GRID1: variants seen among roughly 807,000 people sequenced by gnomAD.
The protein encoded by GRID1 is glutamate receptor ionotropic, delta-1.
GRID1 carries 28 observed loss-of-function variants against 98.0 expected under a neutral mutation model. That is an observed-to-expected ratio of 0.29 (90% confidence interval 0.21 to 0.39). The LOEUF is 0.39. Among genes scored for constraint, GRID1 ranks in the 10% least tolerant of loss-of-function variants. GRID1 has a pLI of 1.00. For synonymous variants in GRID1, 553 were observed against 538.5 expected, an observed-to-expected ratio of 1.03 and a Z score of -0.37; for missense variants, 1,111 against 1,340.5, an observed-to-expected ratio of 0.83 and a Z score of 2.67.
intron 8 of GRID1, among the ~76,000 whole-genome samples, chr10:85,745,473 C>T (rs935301415): frequency 4.9e-4 from 62 of 127,628 alleles, no homozygotes; most frequent in South Asian, 8.6e-4. Flanking sequence ...ATCGCAAGAA[C>T]GAAAAACCAA....
chr10:85,832,639 A>G (rs1178679963), intron 8 of GRID1, among the ~76,000 whole-genome samples: 3 of 152,172 alleles, frequency 2.0e-5, no homozygotes, highest in Admixed American at 6.5e-5. Context: ...GAGAATTCTG[A>G]AAGATGGGAA....
intron 8 of GRID1, among the ~76,000 whole-genome samples, chr10:85,852,050 C>G (rs977452412): frequency 9.9e-5 from 15 of 152,070 alleles, no homozygotes; most frequent in African/African-American, 3.6e-4. Flanking sequence ...CTCCTTGGTT[C>G]ATCTGAAACT....
intron 2 of GRID1, among the ~76,000 whole-genome samples, chr10:86,276,702 C>G (rs1847275475): frequency 1.3e-5 from 2 of 152,044 alleles, no homozygotes; most frequent in Admixed American, 1.3e-4. Flanking sequence ...ATTGGCCAAT[C>G]TGGTCTCAAA....
chr10:85,679,622 A>G (rs1218814333), intron 12 of GRID1, among the ~76,000 whole-genome samples: 2 of 152,212 alleles, frequency 1.3e-5, no homozygotes, highest in Non-Finnish European at 2.9e-5. Context: ...TGCAGAATAT[A>G]GGATATGGAG....
At chr10:85,896,465 AC>A in intron 5 of GRID1, among the ~76,000 whole-genome samples, 1 of 152,282 alleles carries the variant, frequency 6.6e-6, no homozygotes, top group Non-Finnish European at 1.5e-5. Context: ...GATACCTCAG[AC>A]CTTTTCTGAA....
chr10:85,950,786 G>A (rs1377947377), intron 4 of GRID1, among the ~76,000 whole-genome samples: 1 of 152,176 alleles, frequency 6.6e-6, no homozygotes, highest in Admixed American at 6.5e-5. Context: ...AAAGGCTACA[G>A]TCCTGGTACA....
intron 12 of GRID1, among the ~76,000 whole-genome samples, chr10:85,693,336 T>C (rs182830699): frequency 2.6e-5 from 4 of 152,254 alleles, no homozygotes; most frequent in African/African-American, 9.6e-5. Flanking sequence ...AGGTAGAACA[T>C]AGAGACTTTT....
chr10:85,927,510 TAA>T (rs60653864), intron 4 of GRID1, among the ~76,000 whole-genome samples: 7 of 146,380 alleles, frequency 4.8e-5, no homozygotes, highest in African/African-American at 1.8e-4. Flanking sequence ...AAGTTTCTTG[TAA>T]AAAAAAAAAA....
intron 4 of GRID1, among the ~76,000 whole-genome samples, chr10:86,080,409 A>AAGGGGAGGGG (rs1182469301): frequency 1.8e-4 from 5 of 28,538 alleles, no homozygotes; most frequent in Admixed American, 4.4e-4. Context: ...AAGGGAAGGG[A>AAGGGGAGGGG]AGGGGAGGGG....
At chr10:85,839,079 C>T (rs758148287) in intron 8 of GRID1, among the ~76,000 whole-genome samples, 23 of 152,134 alleles carry the variant, frequency 1.5e-4, no homozygotes, top group Non-Finnish European at 2.9e-4. Context: ...GTGTTCAATT[C>T]GGTGAGAAGA....
intron 12 of GRID1, among the ~76,000 whole-genome samples, chr10:85,716,098 G>T (rs941172399): frequency 2.0e-5 from 3 of 151,900 alleles, no homozygotes; most frequent in Non-Finnish European, 4.4e-5. Flanking sequence ...CTAGAGACTG[G>T]GTTTCACCAT....
At chr10:86,181,921 C>T (rs1390068246) in intron 3 of GRID1, among the ~76,000 whole-genome samples, 1 of 152,170 alleles carries the variant, frequency 6.6e-6, no homozygotes, top group African/African-American at 2.4e-5. Context: ...CAGAACCTAG[C>T]ATGCAAAAGG....
chr10:85,738,764 C>CGTAT (rs1417908914), intron 8 of GRID1, among the ~76,000 whole-genome samples: 5 of 152,242 alleles, frequency 3.3e-5, no homozygotes, highest in South Asian at 2.1e-4. Flanking sequence ...GCGTGCTTTA[C>CGTAT]GATGCTGTTA....
At chr10:85,894,060 A>G (rs1405213118) in intron 5 of GRID1, among the ~76,000 whole-genome samples, 2 of 152,212 alleles carry the variant, frequency 1.3e-5, no homozygotes, top group Non-Finnish European at 2.9e-5. Flanking sequence ...TTTCAAAGTT[A>G]ACTGTAATGC....
rs546786148 is a variant in GRID1, at chr10:86,171,251, G to A, written c.521-32227C>T. ...GTTCTCATCCTTCTCAAGCTCAAGA[G>A]AACCACTAGGGAAGGGACCTGGGGC... On this transcript the variant is annotated intron_variant, in intron 3 of 15. Coordinates refer to ENST00000327946, the MANE Select transcript of GRID1 (RefSeq NM_017551.3). 3.9e-5 allele frequency among the ~76,000 whole-genome samples: 6 copies of A among 152,326 alleles called. No individual in the cohort carries two copies. In the South Asian group the frequency reaches 1.2e-3, roughly 32 times the overall value.
chr10:86,172,922 T>C (rs1173506633), intron 3 of GRID1, among the ~76,000 whole-genome samples: 1 of 152,222 alleles, frequency 6.6e-6, no homozygotes, highest in Non-Finnish European at 1.5e-5. Flanking sequence ...CCAACTTCAG[T>C]TGTTACCACC....
chr10:85,618,215 G>A (rs1454849214), intron 14 of GRID1, among the ~76,000 whole-genome samples: 5 of 152,122 alleles, frequency 3.3e-5, no homozygotes, highest in Middle Eastern at 3.2e-3. Flanking sequence ...GTGAGCACAC[G>A]GGGACTCTAA....
At chr10:86,283,426 G>C (rs780890821) in intron 2 of GRID1, among the ~76,000 whole-genome samples, 1 of 152,148 alleles carries the variant, frequency 6.6e-6, no homozygotes, top group Non-Finnish European at 1.5e-5. Flanking sequence ...GAAGGATTCA[G>C]CAGGACCAAG....
At chr10:85,756,078 C>G (rs1016261504) in intron 8 of GRID1, among the ~76,000 whole-genome samples, 4 of 151,272 alleles carry the variant, frequency 2.6e-5, no homozygotes, top group Non-Finnish European at 4.4e-5. Context: ...CAATACCCCC[C>G]CTAGTGGGAG....
Sources: gnomAD v4.1 joint callset for allele counts (sites outside exome capture counted in the v4.1 genomes callset) on GRCh38, gnomAD v4.1.1 for gene constraint, MANE v1.5 for transcripts, NCBI Gene and HGNC (gene_info 2026-07-23, HGNC 2026-07-21) for gene names.